TAF4: variants seen among roughly 807,000 people sequenced by gnomAD.
TAF4 encodes TATA-box binding protein associated factor 4.
TAF4 carries 9 observed loss-of-function variants against 90.3 expected under a neutral mutation model. That is an observed-to-expected ratio of 0.10 (90% CI 0.06 to 0.17). The LOEUF is 0.17. Ranked by LOEUF, TAF4 falls within the 10% of genes least tolerant of loss-of-function variation. The pLI is 1.00. For synonymous variants in TAF4, 818 were observed against 638.9 expected (o/e 1.28, Z -4.23); for missense variants, 1,351 against 1,370.7 (o/e 0.99, Z 0.23).
At chr20:62,018,965 C>A (rs2123158188) in intron 1 of TAF4, among the ~76,000 whole-genome samples, 1 of 152,226 alleles carries the variant, frequency 6.6e-6, no homozygotes, top group South Asian at 2.1e-4. Flanking sequence ...GCCGCCTCCC[C>A]CGCAACCTCC....
intron 1 of TAF4, among the ~76,000 whole-genome samples, chr20:62,033,389 A>G (rs2055914914): frequency 6.6e-6 from 1 of 152,190 alleles, no homozygotes; most frequent in Non-Finnish European, 1.5e-5. Flanking sequence ...CATTGAGACA[A>G]ACTAACAAAT....
intron 14 of TAF4, among the ~76,000 whole-genome samples, chr20:61,983,750 G>A (rs759266771): frequency 6.6e-6 from 1 of 152,118 alleles, no homozygotes; most frequent in Non-Finnish European, 1.5e-5. Context: ...AGGTAAATGG[G>A]CTTAACTCAC....
At chr20:62,007,037 C>G (rs2055750661) in intron 6 of TAF4, 1 of 354,298 alleles carries the variant, frequency 2.8e-6, no homozygotes, top group Admixed American at 4.6e-5. Context: ...GTTAACATCA[C>G]TGGAAGAGAA....
chr20:62,013,404 T>A (rs933854617), intron 2 of TAF4, among the ~76,000 whole-genome samples: 2 of 152,164 alleles, frequency 1.3e-5, no homozygotes, highest in Admixed American at 6.5e-5. Flanking sequence ...ATGAAGTTTG[T>A]CGGAGAGAGA....
intron 9 of TAF4, among the ~76,000 whole-genome samples, chr20:62,001,582 G>T (rs573488145): frequency 6.6e-6 from 1 of 152,156 alleles, no homozygotes; most frequent in South Asian, 2.1e-4. Flanking sequence ...TCCTGGGGTC[G>T]TTGTGTCTCG....
chr20:62,064,900 T>C lies in TAF4; in HGVS notation c.911A>G (p.Gln304Arg). Residue 304 changes from glutamine to arginine, a missense_variant, in exon 1 of 15, where the codon CAG becomes CGG. Gln to Arg is a conservative substitution (Grantham distance 43). Transcript: ENST00000252996. Reference protein sequence around the residue: ...APAVPPPAAAQNGGSAGAAPA... With the variant: ...APAVPPPAAARNGGSAGAAPA... Reference sequence around the variant, plus strand: ...GGCTGCCCCGGCGCTGCCCCCGTTCTGGGCGGCGGCGGGGGGCGGCACGGC... The same window carrying C: ...GGCTGCCCCGGCGCTGCCCCCGTTCCGGGCGGCGGCGGGGGGCGGCACGGC... 4 of 763,110 alleles carry C rather than the reference T, an allele frequency of 5.2e-6. No homozygotes were observed. Among genetic ancestry groups the C allele is most frequent in the Non-Finnish European group, 6.2e-6 (4 of 642,592 alleles). The allele number at this position is 763,110 out of a possible 1,614,324, so 47.3% of individuals were successfully genotyped here. A position where few individuals can be genotyped will look rare whatever the true frequency, so the allele number is the denominator to read the frequency against.
chr20:62,025,301 A>C (rs2055868501), intron 1 of TAF4, among the ~76,000 whole-genome samples: 1 of 152,268 alleles, frequency 6.6e-6, no homozygotes, highest in African/African-American at 2.4e-5. Flanking sequence ...ATGAAAGCAT[A>C]AACAATTTCT....
At chr20:61,992,955 A>AAAC (rs576370456) in intron 14 of TAF4, among the ~76,000 whole-genome samples, 237 of 152,284 alleles carry the variant, frequency 1.6e-3, no homozygotes, top group Middle Eastern at 3.4e-3. Context: ...TAAAAAATAA[A>AAAC]AACAACACAC....
At chr20:62,029,011 A>G (rs1263569043) in intron 1 of TAF4, among the ~76,000 whole-genome samples, 1 of 152,106 alleles carries the variant, frequency 6.6e-6, no homozygotes, top group Non-Finnish European at 1.5e-5. Context: ...CCTGGCTAAC[A>G]TAGTGAAAAC....
intron 1 of TAF4, among the ~76,000 whole-genome samples, chr20:62,054,343 T>C (rs932214370): frequency 6.6e-6 from 1 of 152,110 alleles, no homozygotes; most frequent in African/African-American, 2.4e-5. Context: ...CTTCCAGGAC[T>C]TTCTGGCTCT....
chr20:62,060,053 C>G (rs921885688), intron 1 of TAF4, among the ~76,000 whole-genome samples: 6 of 152,242 alleles, frequency 3.9e-5, no homozygotes, highest in Non-Finnish European at 7.3e-5. Context: ...CTGCTGAGCC[C>G]GGTCTGTGCT....
At chr20:62,050,250 G>A (rs1176194370) in intron 1 of TAF4, among the ~76,000 whole-genome samples, 1 of 151,988 alleles carries the variant, frequency 6.6e-6, no homozygotes, top group East Asian at 1.9e-4. Flanking sequence ...ACCTATCCTC[G>A]GCCTCTCATC....
intron 14 of TAF4, among the ~76,000 whole-genome samples, chr20:61,995,250 T>C (rs2055656366): frequency 6.6e-6 from 1 of 152,204 alleles, no homozygotes; most frequent in South Asian, 2.1e-4. Context: ...GCCCAGGTGT[T>C]GAACTTGACA....
At chr20:61,998,109 C>G (rs372000436) in intron 13 of TAF4, 27 bp downstream of exon 13, 1 of 1,611,890 alleles carries the variant, frequency 6.2e-7, no homozygotes, top group African/African-American at 1.3e-5. Flanking sequence ...AAAGTGCCCA[C>G]GAGCACTCAC....
At chr20:62,046,145 ATAACTG>A (rs904533270) in intron 1 of TAF4, among the ~76,000 whole-genome samples, 5 of 152,226 alleles carry the variant, frequency 3.3e-5, no homozygotes, top group African/African-American at 1.2e-4. Flanking sequence ...AACCACAGCC[ATAACTG>A]CCTTTCCTTC....
Position 62,003,151 on chromosome 20 carries a change from A to G in TAF4, c.2486+9T>C, listed in dbSNP as rs2055718306. 1 of 1,612,098 alleles carries G rather than the reference A, an allele frequency of 6.2e-7. No individual in the cohort carries two copies. Among genetic ancestry groups the G allele is most frequent in the Non-Finnish European group, 8.5e-7 (1 of 1,178,132 alleles). On this transcript the variant is annotated intron_variant, in intron 9 of 14. Coordinates refer to ENST00000252996, the MANE Select transcript of TAF4 (RefSeq NM_003185.4). Reference sequence around the variant, plus strand: ...ACGCTTCTCCAACGTACACAGGCCCATTCCTTACCGAAACGAACCTCCCCC... The same window carrying G: ...ACGCTTCTCCAACGTACACAGGCCCGTTCCTTACCGAAACGAACCTCCCCC...
intron 5 of TAF4, 181 bp downstream of exon 5, chr20:62,008,871 T>G: frequency 1.4e-6 from 1 of 703,840 alleles, no homozygotes; most frequent in Non-Finnish European, 2.1e-6. Flanking sequence ...CAGGAAGGAG[T>G]CTCCTTAGCT....
In TAF4 at chr20:62,064,435, C is replaced by T. The variant is rs2056109452; in HGVS notation, c.1360+16G>A. ...CTGGGAGCCGCCCTTCCCTCCCGCC[C>T]CGTGCGGCCACTCACCTGGGGGCAG... is the stretch of plus-strand genomic sequence containing the variant. On this transcript the variant is annotated intron_variant, in intron 1 of 14. Transcript: ENST00000252996. 1.5e-6 allele frequency: 2 copies of T among 1,357,216 alleles called. No homozygotes were observed. Among genetic ancestry groups the T allele is most frequent in the South Asian group, 1.8e-5 (1 of 55,538 alleles). 84.1% of individuals were successfully genotyped at this position (1,357,216 alleles called of 1,614,324 possible). A position where few individuals can be genotyped will look rare whatever the true frequency, so the allele number is the denominator to read the frequency against.
At chr20:61,980,363 G>A (rs1309639227) in intron 14 of TAF4, 2 of 152,218 alleles carry the variant, frequency 1.3e-5, no homozygotes, top group Admixed American at 6.5e-5. Flanking sequence ...CTCCCGGGGC[G>A]GGAGCCCCTT....
Sources: allele counts gnomAD v4.1 joint callset (sites outside exome capture counted in the v4.1 genomes callset), GRCh38; gene constraint gnomAD v4.1.1; transcripts MANE v1.5; gene names NCBI Gene and HGNC (gene_info 2026-07-23, HGNC 2026-07-21).